The following EDNRB variants were observed in gnomAD, a reference collection of about 807,000 sequenced individuals.
EDNRB encodes the protein Hirschsprung disease 2.
Under a neutral mutation model 46.4 loss-of-function variants are expected in EDNRB, and 18 were observed. The observed-to-expected ratio is 0.39, with a 90% CI of 0.27 to 0.57. EDNRB has a LOEUF of 0.57. EDNRB is among the 20% of genes least tolerant of loss of function. The pLI, the probability that EDNRB is intolerant of heterozygous loss-of-function variation, is 0.61. For synonymous variants in EDNRB, 213 were observed against 204.9 expected (o/e 1.04, Z -0.34); for missense variants, 434 against 537.5 (o/e 0.81, Z 1.90).
At chr13:77,902,905 C>G (rs1346807549) in intron 3 of EDNRB, among the ~76,000 whole-genome samples, 1 of 151,916 alleles carries the variant, frequency 6.6e-6, no homozygotes, top group Non-Finnish European at 1.5e-5. Flanking sequence ...AAATTCACAT[C>G]AATTCTTTCA....
Position 77,947,513 on chromosome 13 carries a change from T to C in EDNRB, c.-52+27834A>G, listed in dbSNP as rs1673132132. On this transcript the variant is annotated intron_variant, in intron 1 of 7. Transcript: ENST00000646948. The stretch of plus-strand genomic sequence containing the variant: ...TTTTTATTTTTATTTTTATTTTTTT[T>C]AGAGATGAGTGCAATAGCTATTTAC... 3 of 152,200 alleles carry C rather than the reference T, an allele frequency of 2.0e-5. No individual in the cohort carries two copies. The South Asian group carries it at 6.2e-4, about 32-fold the overall frequency. The allele number at this position is 152,200 out of a possible 1,614,324, so 9.4% of individuals were successfully genotyped here. A position where few individuals can be genotyped will look rare whatever the true frequency, so the allele number is the denominator to read the frequency against.
intron 1 of EDNRB, among the ~76,000 whole-genome samples, chr13:77,913,294 A>G (rs1231660603): frequency 6.6e-6 from 1 of 152,130 alleles, no homozygotes; most frequent in Non-Finnish European, 1.5e-5. Context: ...AACGTTAAAG[A>G]TCAGCAGTTT....
At chr13:77,964,567 G>A (rs140913296) in intron 1 of EDNRB, among the ~76,000 whole-genome samples, 2,208 of 152,242 alleles carry the variant, frequency 0.015, 46 homozygotes, top group East Asian at 0.024. Context: ...TCATAGGTGG[G>A]AATTGAATAA....
At chr13:77,961,509 AC>A (rs1881410765) in intron 1 of EDNRB, among the ~76,000 whole-genome samples, 1 of 152,240 alleles carries the variant, frequency 6.6e-6, no homozygotes, top group Non-Finnish European at 1.5e-5. Context: ...TGGAAACTGA[AC>A]AACCCACTCC....
chr13:77,971,017 C>T (rs764118305), intron 1 of EDNRB, among the ~76,000 whole-genome samples: 14 of 152,146 alleles, frequency 9.2e-5, no homozygotes, highest in Admixed American at 2.6e-4. Context: ...GGCTTGTTGT[C>T]TTCTTCAGAG....
At chr13:77,958,426 G>T (rs146833011) in intron 1 of EDNRB, among the ~76,000 whole-genome samples, 1 of 151,748 alleles carries the variant, frequency 6.6e-6, no homozygotes, top group Non-Finnish European at 1.5e-5. Flanking sequence ...AGGCTGGAGC[G>T]CAGTGGTGCA....
intron 1 of EDNRB, among the ~76,000 whole-genome samples, chr13:77,970,962 T>C (rs1431974370): frequency 1.3e-5 from 2 of 152,138 alleles, no homozygotes; most frequent in Admixed American, 6.5e-5. Flanking sequence ...TCTTCATGCT[T>C]TGGCTGTGTG....
In EDNRB at chr13:77,897,380, A is replaced by G; in HGVS notation, c.*820T>C. On this transcript the variant is annotated 3_prime_UTR_variant, in exon 7 of 7. Transcript: ENST00000646607. ...CACAGGGTATGTGAATGACAGATTC[A>G]AAAAAGTCTTTTGGGATAGCCTTTC... 10 of 985,298 alleles carry G rather than the reference A, an allele frequency of 1.0e-5. No homozygotes were observed. Among genetic ancestry groups the G allele is most frequent in the Non-Finnish European group, 9.6e-6 (8 of 829,856 alleles). The allele number at this position is 985,298 out of a possible 1,614,324, so 61.0% of individuals were successfully genotyped here.
At chr13:77,971,350 G>A (rs781679649) in intron 1 of EDNRB, among the ~76,000 whole-genome samples, 1 of 152,210 alleles carries the variant, frequency 6.6e-6, no homozygotes, top group African/African-American at 2.4e-5. Context: ...TTTTGCCCAA[G>A]AGTTACTTTA....
At chr13:77,959,666 C>T (rs908975024) in intron 1 of EDNRB, among the ~76,000 whole-genome samples, 3 of 152,214 alleles carry the variant, frequency 2.0e-5, no homozygotes, top group South Asian at 4.1e-4. Flanking sequence ...AGCTCTTCGC[C>T]AGCAATGGAA....
chr13:77,916,361 C>G (rs1172497356), intron 1 of EDNRB, among the ~76,000 whole-genome samples: 1 of 152,148 alleles, frequency 6.6e-6, no homozygotes, highest in African/African-American at 2.4e-5. Flanking sequence ...TGTGGGACGC[C>G]TTAAGAAGTA....
At chr13:77,910,054 A>G (rs774440402) in intron 1 of EDNRB, among the ~76,000 whole-genome samples, 1 of 151,990 alleles carries the variant, frequency 6.6e-6, no homozygotes, top group Non-Finnish European at 1.5e-5. Flanking sequence ...ACAAAACAGA[A>G]CCTACTGTTT....
Position 77,901,224 on chromosome 13 carries a change from AT to A in EDNRB, c.802-18del. On this transcript the variant is annotated intron_variant, in intron 3 of 6. Coordinates refer to ENST00000646607, the MANE Select transcript of EDNRB (RefSeq NM_001122659.3). ...CTTGTAAAACTATAGGGATGAGAGA[AT>A]TTTTACGATTAATACTCCTCTGTAA... 6.2e-7 allele frequency: 1 copy of A among 1,608,770 alleles called. No individual in the cohort carries two copies. The highest frequency in any genetic ancestry group is 2.2e-5 in the East Asian group (1 of 44,526).
At position 77,896,770 on chromosome 13, in the gene EDNRB, TC is replaced by T; in HGVS notation, c.*1429del. 1 of 1,328,902 alleles carries T rather than the reference TC, an allele frequency of 7.5e-7. No homozygotes were observed. Among genetic ancestry groups the T allele is most frequent in the East Asian group, 3.2e-5 (1 of 30,856 alleles). The allele number at this position is 1,328,902 out of a possible 1,614,324, so 82.3% of individuals were successfully genotyped here. A position where few individuals can be genotyped will look rare whatever the true frequency, so the allele number is the denominator to read the frequency against. On this transcript the variant is annotated 3_prime_UTR_variant, in exon 7 of 7. Coordinates refer to ENST00000646607, the MANE Select transcript of EDNRB (RefSeq NM_001122659.3). ...CCCATGGGTTTCCTCCAACCCCACCTCATTTCCTCTCTCTTCCGTTTTCTCT... is the reference window on the plus strand; with the variant it reads ...CCCATGGGTTTCCTCCAACCCCACCTATTTCCTCTCTCTTCCGTTTTCTCT...
intron 1 of EDNRB, among the ~76,000 whole-genome samples, chr13:77,914,694 A>G (rs2137633432): frequency 6.6e-6 from 1 of 152,308 alleles, no homozygotes; most frequent in South Asian, 2.1e-4. Flanking sequence ...TTCTTCCTAA[A>G]AGTTTCCAGG....
intron 1 of EDNRB, among the ~76,000 whole-genome samples, chr13:77,927,980 G>T (rs1880285035): frequency 6.6e-6 from 1 of 152,116 alleles, no homozygotes. Context: ...AAGCTCTCTT[G>T]CCTGCTGCCA....
At chr13:77,974,633 TC>T (rs1881832460) in intron 1 of EDNRB, among the ~76,000 whole-genome samples, 1 of 145,640 alleles carries the variant, frequency 6.9e-6, no homozygotes, top group Admixed American at 6.9e-5. Context: ...TCTCTCTCTC[TC>T]TGCCTCTGCC....
chr13:77,945,180 ATT>A (rs1163673211), intron 1 of EDNRB, among the ~76,000 whole-genome samples: 2 of 152,206 alleles, frequency 1.3e-5, no homozygotes, highest in African/African-American at 4.8e-5. Flanking sequence ...ACATGTGTAC[ATT>A]TTATGTTTTG....
rs1365396073 is a variant in EDNRB at position 77,918,027 on chromosome 13, T to A, written c.483+64A>T. 6.2e-7 allele frequency: 1 copy of A among 1,611,746 alleles called. No homozygotes were observed. The highest frequency in any genetic ancestry group is 1.3e-5 in the African/African-American group (1 of 74,818). On this transcript the variant is annotated intron_variant, in intron 1 of 6. Coordinates refer to ENST00000646607, the MANE Select transcript of EDNRB (RefSeq NM_001122659.3). The surrounding 1 kb of genome is among the most constrained non-coding windows in gnomAD (Gnocchi z 4.5). ...GAAGCTCCCTCTACAAGCTTTCTCA[T>A]CTCCCCGTCTCCAACCAGGCCCCCT...
Sources: allele counts gnomAD v4.1 joint callset (sites outside exome capture counted in the v4.1 genomes callset), GRCh38; gene constraint gnomAD v4.1.1; non-coding constraint Gnocchi (gnomAD v3.1); transcripts MANE v1.5; gene names NCBI Gene and HGNC (gene_info 2026-07-23, HGNC 2026-07-21).